CNTLN: variants seen among roughly 807,000 people sequenced by gnomAD.
CNTLN encodes the protein centlein, centrosomal protein.
A neutral mutation model predicts 180.0 loss-of-function variants in CNTLN; 212 were observed. The observed-to-expected ratio is 1.18, with a 90% CI of 1.05 to 1.32. CNTLN has a LOEUF of 1.32. CNTLN is among the 40% of genes most tolerant of loss of function. CNTLN has a pLI of 0.00. For missense variants in CNTLN, 2,095 were observed against 1,610.9 expected, an observed-to-expected ratio of 1.30 and a Z score of -5.14; for synonymous variants, 722 against 563.1, an observed-to-expected ratio of 1.28 and a Z score of -3.99.
the CNTLN span, among the ~76,000 whole-genome samples, chr9:17,525,448 C>G: frequency 6.6e-6 from 1 of 152,068 alleles, no homozygotes; most frequent in African/African-American, 2.4e-5. Context: ...TGGCATGATT[C>G]AGAGTTTTTA....
chr9:17,415,063 G>T (rs1208846193), intron 16 of CNTLN, among the ~76,000 whole-genome samples: 1 of 151,508 alleles, frequency 6.6e-6, no homozygotes, highest in African/African-American at 2.4e-5. Flanking sequence ...TCCAGCCTGA[G>T]TGACAAAGCC....
intron 19 of CNTLN, among the ~76,000 whole-genome samples, chr9:17,459,465 A>G (rs1831328638): frequency 6.6e-6 from 1 of 151,828 alleles, no homozygotes; most frequent in African/African-American, 2.4e-5. Context: ...ATAAGTTTTT[A>G]CTTTTGTCTT....
rs368894984 is a variant in CNTLN at position 17,500,675 on chromosome 9, T to A, written c.4120-1876T>A. On this transcript the variant is annotated intron_variant, in intron 25 of 25. Coordinates refer to ENST00000380647, the MANE Select transcript of CNTLN (RefSeq NM_017738.4). The stretch of plus-strand genomic sequence containing the variant: ...AGTTTGGTTTGTTTCCCAAATGTAT[T>A]TGATTAGAGAACAATTTTAGAAAAT... Among the ~76,000 whole-genome samples the A allele has an allele frequency of 1.0e-3, 153 of 152,330 alleles. 1 individual carries two copies. The highest frequency in any genetic ancestry group is 3.6e-3 in the African/African-American group (149 of 41,578).
chr9:17,337,932 T>C (rs1379086450), intron 10 of CNTLN, among the ~76,000 whole-genome samples: 1 of 152,156 alleles, frequency 6.6e-6, no homozygotes, highest in Middle Eastern at 3.2e-3. Flanking sequence ...ACAGTTTATA[T>C]ATAATAATTT....
rs1458446888 is a variant in CNTLN, at chr9:17,207,536, T to C, written c.450-18667T>C. On this transcript the variant is annotated intron_variant, in intron 2 of 25. Coordinates refer to ENST00000380647, the MANE Select transcript of CNTLN (RefSeq NM_017738.4). ...GCAGACTGCAAAAACCGTGGGAAAA[T>C]TGTAGTACCTGGGCTGGGTAGCACA... Among the ~76,000 whole-genome samples the C allele has an allele frequency of 3.9e-5, 6 of 152,236 alleles. No individual in the cohort carries two copies. The East Asian group carries it at 7.8e-4, about 20-fold the overall frequency.
At chr9:17,226,613 G>T (rs4617255) in intron 3 of CNTLN, among the ~76,000 whole-genome samples, 3,381 of 151,808 alleles carry the variant, frequency 0.022, 126 homozygotes, top group African/African-American at 0.077. Flanking sequence ...ATTTTCAGAT[G>T]GTTTTATTTG....
intron 2 of CNTLN, among the ~76,000 whole-genome samples, chr9:17,223,282 G>T (rs1470654760): frequency 6.6e-6 from 1 of 151,994 alleles, no homozygotes; most frequent in African/African-American, 2.4e-5. Context: ...TGAAGCCATG[G>T]AAAGTGAAAC....
chr9:17,266,620 T>A (rs11543983), intron 5 of CNTLN, among the ~76,000 whole-genome samples: 1 of 151,878 alleles, frequency 6.6e-6, no homozygotes, highest in African/African-American at 2.4e-5. Flanking sequence ...GTTGATCTGT[T>A]TAGTGTTGAC....
At chr9:17,342,027 G>C (rs988883219) in intron 11 of CNTLN, among the ~76,000 whole-genome samples, 2 of 152,004 alleles carry the variant, frequency 1.3e-5, no homozygotes, top group East Asian at 3.9e-4. Context: ...GGGGGGGACC[G>C]TTAAAATTCT....
chr9:17,502,433 A>G lies in CNTLN; in HGVS notation c.4120-118A>G, dbSNP rs117410507. The G allele has an allele frequency of 2.3e-4, 118 of 519,164 alleles. No individual in the cohort carries two copies. In the East Asian group the frequency reaches 4.2e-3, roughly 19 times the overall value. The allele number at this position is 519,164 out of a possible 1,614,324, so 32.2% of individuals were successfully genotyped here. A position where few individuals can be genotyped will look rare whatever the true frequency, so the allele number is the denominator to read the frequency against. ...CAGTAGAAAAGAGATCCAGTAGGGT[A>G]CCATTATGGCTGCAAAGTTGCAGAC... On this transcript the variant is annotated intron_variant, in intron 25 of 25. Coordinates refer to ENST00000380647, the MANE Select transcript of CNTLN (RefSeq NM_017738.4).
intron 1 of CNTLN, among the ~76,000 whole-genome samples, chr9:17,141,150 G>T (rs1025726242): frequency 5.3e-5 from 8 of 152,164 alleles, no homozygotes; most frequent in Admixed American, 5.2e-4. Flanking sequence ...GGCAAGGGAG[G>T]TTGGTCTGTT....
intron 13 of CNTLN, among the ~76,000 whole-genome samples, chr9:17,371,998 C>G (rs1203670594): frequency 1.3e-5 from 2 of 151,846 alleles, no homozygotes; most frequent in African/African-American, 4.8e-5. Context: ...GCTATAAATG[C>G]CTACATCAAA....
intron 1 of CNTLN, among the ~76,000 whole-genome samples, chr9:17,139,616 C>T (rs187058732): frequency 4.0e-5 from 6 of 151,288 alleles, no homozygotes; most frequent in Middle Eastern, 3.4e-3. Context: ...ACTGAGGTTG[C>T]GCCACTGCAC....
At chr9:17,232,572 T>C (rs1824880600) in intron 3 of CNTLN, among the ~76,000 whole-genome samples, 1 of 152,066 alleles carries the variant, frequency 6.6e-6, no homozygotes, top group Non-Finnish European at 1.5e-5. Flanking sequence ...AGACAAGATA[T>C]GCTCAAATTT....
intron 18 of CNTLN, among the ~76,000 whole-genome samples, chr9:17,435,568 T>C (rs1829720723): frequency 6.6e-6 from 1 of 151,878 alleles, no homozygotes; most frequent in Admixed American, 6.6e-5. Flanking sequence ...TCTTTTTTTT[T>C]TTTTTCTTTG....
intron 23 of CNTLN, among the ~76,000 whole-genome samples, chr9:17,473,592 C>CAAAAA (rs1208961626): frequency 7.5e-6 from 1 of 132,762 alleles, no homozygotes; most frequent in African/African-American, 3.2e-5. Context: ...CACCATTTAC[C>CAAAAA]AAAAAAAAAA....
At chr9:17,366,154 C>T (rs1055152998) in intron 12 of CNTLN, among the ~76,000 whole-genome samples, 2 of 151,988 alleles carry the variant, frequency 1.3e-5, no homozygotes, top group African/African-American at 2.4e-5. Flanking sequence ...GAGACAAGGG[C>T]CTAATCTTTT....
At chr9:17,281,456 C>G (rs974918609) in intron 6 of CNTLN, among the ~76,000 whole-genome samples, 7 of 151,996 alleles carry the variant, frequency 4.6e-5, no homozygotes, top group South Asian at 2.1e-4. Flanking sequence ...CACCACCCTC[C>G]CCACTGACAG....
chr9:17,159,017 G>T (rs117131093), intron 2 of CNTLN, among the ~76,000 whole-genome samples: 2 of 151,862 alleles, frequency 1.3e-5, no homozygotes, highest in Non-Finnish European at 2.9e-5. Context: ...GCTGCATTTC[G>T]TAAGTTGTTA....
Sources: allele counts gnomAD v4.1 joint callset (sites outside exome capture counted in the v4.1 genomes callset), GRCh38; gene constraint gnomAD v4.1.1; transcripts MANE v1.5; gene names NCBI Gene and HGNC (gene_info 2026-07-23, HGNC 2026-07-21).